The following JMJD1C variants were observed in gnomAD, a reference collection of about 807,000 sequenced individuals.
The protein encoded by JMJD1C is jumonji domain containing 1C.
Under a neutral mutation model 245.3 loss-of-function variants are expected in JMJD1C, and 31 were observed. That is an observed-to-expected ratio of 0.13 (90% CI 0.09 to 0.17). The LOEUF (loss-of-function observed/expected upper bound fraction) is 0.17, where lower values mean the gene tolerates loss of function less well. Ranked by LOEUF, JMJD1C falls within the 10% of genes least tolerant of loss-of-function variation. The pLI, the probability that JMJD1C is intolerant of heterozygous loss-of-function variation, is 1.00. For synonymous variants in JMJD1C, 1,057 were observed against 1,017.4 expected (o/e 1.04, Z -0.74); for missense variants, 2,691 against 3,000.2 (o/e 0.90, Z 2.41).
At chr10:63,191,371 T>C (rs780193095) in intron 16 of JMJD1C, among the ~76,000 whole-genome samples, 1 of 152,062 alleles carries the variant, frequency 6.6e-6, no homozygotes, top group Non-Finnish European at 1.5e-5. Flanking sequence ...TGACCTCAAA[T>C]GATCTGCCCA....
intron 10 of JMJD1C, chr10:63,203,619 T>C (rs906206505): frequency 1.6e-5 from 15 of 960,154 alleles, no homozygotes; most frequent in Admixed American, 6.2e-5. Flanking sequence ...AAATGTAAGA[T>C]AGAAGTAAAT....
chr10:63,217,770 T>C (rs1238105343), intron 4 of JMJD1C: 1 of 152,158 alleles, frequency 6.6e-6, no homozygotes, highest in Non-Finnish European at 1.5e-5. Context: ...ACTATAAATT[T>C]TGATTTGCTA....
intron 18 of JMJD1C, among the ~76,000 whole-genome samples, chr10:63,186,675 G>A (rs1039904685): frequency 9.2e-5 from 14 of 152,126 alleles, no homozygotes; most frequent in African/African-American, 3.4e-4. Context: ...GGTGGCGGAG[G>A]GTAGATGTCC....
rs1311184859 is a variant in JMJD1C at position 63,176,395 on chromosome 10, G to A, written c.7303C>T (p.Leu2435Phe). Reference sequence around the variant, plus strand: ...TATTCTTCAAGCAGCCTTTGACGGAGCTTTTTGTTCACATACCAACTTTGG... The same window carrying A: ...TATTCTTCAAGCAGCCTTTGACGGAACTTTTTGTTCACATACCAACTTTGG... ...RDQSWYVNKK[L>F]RQRLLEEYGV... Residue 2435 changes from leucine (L) to phenylalanine (F), a missense_variant, in exon 24 of 26, where the codon CTC becomes TTC. By Grantham distance (22) the Leu-to-Phe change is conservative. This residue lies in a region of JMJD1C where 232 missense variants were observed against 416.1 expected (regional missense o/e 0.56). Transcript: ENST00000399262. The A allele has an allele frequency of 6.2e-7, 1 of 1,613,906 alleles. No individual in the cohort carries two copies. Among genetic ancestry groups the A allele is most frequent in the Non-Finnish European group, 8.5e-7 (1 of 1,179,852 alleles).
At chr10:63,314,958 T>TG (rs889139383) in intron 2 of JMJD1C, among the ~76,000 whole-genome samples, 3 of 146,892 alleles carry the variant, frequency 2.0e-5, no homozygotes, top group African/African-American at 5.0e-5. Context: ...CCTTTTTTGT[T>TG]TTTTTTTTTT....
At chr10:63,479,435 TATC>T (rs1953762892) in intron 1 of JMJD1C, among the ~76,000 whole-genome samples, 1 of 152,184 alleles carries the variant, frequency 6.6e-6, no homozygotes, top group African/African-American at 2.4e-5. Context: ...AATTCTTCAG[TATC>T]ATCTAATAAG....
intron 1 of JMJD1C, among the ~76,000 whole-genome samples, chr10:63,445,846 A>G (rs914387521): frequency 5.5e-5 from 8 of 144,480 alleles, no homozygotes; most frequent in African/African-American, 7.7e-5. Flanking sequence ...AAAAAATGAC[A>G]TGTGCTGGGA....
At chr10:63,445,113 G>A (rs981656674) in intron 1 of JMJD1C, among the ~76,000 whole-genome samples, 17 of 149,318 alleles carry the variant, frequency 1.1e-4, no homozygotes, top group African/African-American at 3.9e-4. Context: ...CACATCTGTA[G>A]TCCCAGCTAC....
intron 3 of JMJD1C, among the ~76,000 whole-genome samples, chr10:63,249,508 A>C (rs958729058): frequency 6.6e-6 from 1 of 152,216 alleles, no homozygotes; most frequent in African/African-American, 2.4e-5. Context: ...ACAGCACAAC[A>C]ATCTATTGTG....
chr10:63,408,955 C>T (rs758591898), intron 1 of JMJD1C, among the ~76,000 whole-genome samples: 5 of 152,072 alleles, frequency 3.3e-5, no homozygotes, highest in South Asian at 2.1e-4. Context: ...AATGATTTTA[C>T]GTAACTTAGG....
At chr10:63,176,178 T>C in intron 24 of JMJD1C, 119 bp downstream of exon 24, 1 of 547,718 alleles carries the variant, frequency 1.8e-6, no homozygotes, top group Non-Finnish European at 3.1e-6. Context: ...GGCAGACTGG[T>C]GCAGGTAATT....
intron 2 of JMJD1C, among the ~76,000 whole-genome samples, chr10:63,267,846 CCAAACTA>C (rs1855789009): frequency 6.6e-6 from 1 of 151,962 alleles, no homozygotes; most frequent in South Asian, 2.1e-4. Context: ...GTAGGGCCTA[CCAAACTA>C]TAGGAAGAAT....
chr10:63,370,703 A>T (rs2134426772), intron 2 of JMJD1C, among the ~76,000 whole-genome samples: 1 of 152,344 alleles, frequency 6.6e-6, no homozygotes, highest in Middle Eastern at 3.4e-3. Context: ...ATTTTTATTA[A>T]GTGTTAATTC....
chr10:63,513,532 A>G (rs1216224306), intron 1 of JMJD1C, among the ~76,000 whole-genome samples: 7 of 152,330 alleles, frequency 4.6e-5, no homozygotes, highest in South Asian at 2.1e-4. Context: ...CAACCTACAG[A>G]ATGGGAGAAA....
At chr10:63,444,312 CA>C (rs1487540194) in intron 1 of JMJD1C, among the ~76,000 whole-genome samples, 2 of 152,236 alleles carry the variant, frequency 1.3e-5, no homozygotes, top group African/African-American at 4.8e-5. Flanking sequence ...CTCACTCTGT[CA>C]CCTAGGCTGG....
intron 24 of JMJD1C, among the ~76,000 whole-genome samples, chr10:63,175,640 T>C (rs771097255): frequency 2.0e-5 from 3 of 152,212 alleles, no homozygotes; most frequent in Non-Finnish European, 2.9e-5. Flanking sequence ...GAACCAACTG[T>C]TGAGGCAAAG....
At chr10:63,387,628 A>ATTTTTTTTTTTTTTTTTTTTTTTTTTTTT (rs1564863555) in intron 1 of JMJD1C, among the ~76,000 whole-genome samples, 2 of 18,526 alleles carry the variant, frequency 1.1e-4, no homozygotes, top group African/African-American at 2.1e-4. Context: ...AGAAAAAAAA[A>ATTTTTTTTTTTTTTTTTTTTTTTTTTTTT]ATTTTTTTTT....
At chr10:63,455,755 T>C (rs1359973002) in intron 1 of JMJD1C, among the ~76,000 whole-genome samples, 1 of 152,154 alleles carries the variant, frequency 6.6e-6, no homozygotes, top group African/African-American at 2.4e-5. Context: ...GGGGTAAGAA[T>C]GAGAATTCAG....
intron 2 of JMJD1C, among the ~76,000 whole-genome samples, chr10:63,363,384 G>A (rs558117550): frequency 5.7e-4 from 85 of 149,974 alleles, no homozygotes; most frequent in Middle Eastern, 3.5e-3. Flanking sequence ...TCAGCCTCCC[G>A]AGTAGCTGGG....
Sources: allele counts gnomAD v4.1 joint callset (sites outside exome capture counted in the v4.1 genomes callset), GRCh38; gene constraint gnomAD v4.1.1; regional missense constraint gnomAD v4.1.1; transcripts MANE v1.5; gene names NCBI Gene and HGNC (gene_info 2026-07-23, HGNC 2026-07-21).